Variants in SALL1 observed in about 807,000 individuals in gnomAD.
SALL1 encodes the protein sal-like protein 1.
Under a neutral mutation model 73.1 loss-of-function variants are expected in SALL1, and 10 were observed. The observed-to-expected ratio is 0.14, with a 90% CI of 0.08 to 0.23. The LOEUF (loss-of-function observed/expected upper bound fraction) is 0.23. SALL1 is among the 10% of genes least tolerant of loss of function. The probability of loss-of-function intolerance (pLI) is 1.00; values close to 1 mark genes in which losing one functional copy is unlikely to be tolerated. For synonymous variants in SALL1, 688 were observed against 689.8 expected, an observed-to-expected ratio of 1.00 and a Z score of 0.04; for missense variants, 1,520 against 1,697.3, an observed-to-expected ratio of 0.90 and a Z score of 1.84.
chr16:51,140,222 G>A lies in SALL1; in HGVS notation c.2000C>T (p.Ser667Phe). 1 of 1,614,174 alleles carries A rather than the reference G, an allele frequency of 6.2e-7. No homozygotes were observed. Among genetic ancestry groups the A allele is most frequent in the East Asian group, 2.2e-5 (1 of 44,872 alleles). Residue 667 changes from serine (S) to phenylalanine (F), a missense_variant, in exon 2 of 3, where the codon TCC (serine) becomes TTC (phenylalanine). Physicochemically the swap from Ser to Phe is radical, Grantham distance 155 (BLOSUM62 -2). This residue lies in a region of SALL1 where 276 missense variants were observed against 259.1 expected (regional missense o/e 1.07). Transcript: ENST00000251020. The surrounding 1 kb of genome is among the most constrained non-coding windows in gnomAD (Gnocchi z 5.7). ...TFTNPLLPLM[S>F]EQFKAKFPFG... ...AGGAAACTTGGCCTTGAACTGCTCGGACATGAGCGGCAACAAAGGGTTGGT... is the reference window on the plus strand; with the variant it reads ...AGGAAACTTGGCCTTGAACTGCTCGAACATGAGCGGCAACAAAGGGTTGGT...
At chr16:51,137,604 AGAG>A (rs1474295440) in intron 2 of SALL1, 52 bp from the exon 3 acceptor site, 2 of 1,419,118 alleles carry the variant, frequency 1.4e-6, no homozygotes, top group Non-Finnish European at 9.9e-7. Flanking sequence ...GAGAAAAAAA[AGAG>A]GAGGGGGAGA....
chr16:51,142,946 T>A (rs763830782), intron 1 of SALL1, among the ~76,000 whole-genome samples: 36 of 152,336 alleles, frequency 2.4e-4, no homozygotes, highest in Non-Finnish European at 3.8e-4. Flanking sequence ...TATGCCACCA[T>A]GCTCCGAATG....
At chr16:51,145,565 T>C (rs907928481) in intron 1 of SALL1, among the ~76,000 whole-genome samples, 9 of 152,158 alleles carry the variant, frequency 5.9e-5, no homozygotes, top group Non-Finnish European at 1.3e-4. Flanking sequence ...CCACCAAATT[T>C]ATACTAAAAT....
chr16:51,137,580 GAC>G (rs757911271), intron 2 of SALL1, 28 bp from the exon 3 acceptor site: 5 of 1,554,522 alleles, frequency 3.2e-6, no homozygotes, highest in Non-Finnish European at 4.4e-6. Flanking sequence ...CAGGCAGAGA[GAC>G]AGAGAGAGAG....
chr16:51,139,948 A>C lies in SALL1; in HGVS notation c.2274T>G (p.Ala758=), dbSNP rs766729692. 3.7e-6 allele frequency: 6 copies of C among 1,614,248 alleles called. No homozygotes were observed. The highest frequency in any genetic ancestry group is 5.1e-6 in the Non-Finnish European group (6 of 1,180,044). Residue 758 remains alanine, a synonymous_variant, in exon 2 of 3, where the codon GCT becomes GCG. Transcript: ENST00000251020. ...NLKTHYSVHR[A]MPPLRVQHSC... ...AATGCTGGACTCTGAGCGGGGGCAT[A>C]GCACGATGGACACTGTAGTGGGTTT...
chr16:51,150,447 G>A, intron 1 of SALL1: 1 of 985,616 alleles, frequency 1.0e-6, no homozygotes, highest in African/African-American at 1.7e-5. Flanking sequence ...AATTTTGCGA[G>A]CCAGACCCCG....
At chr16:51,144,215 T>G (rs1329417783) in intron 1 of SALL1, among the ~76,000 whole-genome samples, 3 of 152,204 alleles carry the variant, frequency 2.0e-5, no homozygotes, top group Non-Finnish European at 4.4e-5. Flanking sequence ...TCCTAATATA[T>G]TCAACAGAAA....
At chr16:51,150,031 G>A (rs1962573927) in intron 1 of SALL1, among the ~76,000 whole-genome samples, 1 of 152,198 alleles carries the variant, frequency 6.6e-6, no homozygotes, top group Non-Finnish European at 1.5e-5. Flanking sequence ...CCCGAGTCCG[G>A]GCGCCGCTAC....
intron 1 of SALL1, among the ~76,000 whole-genome samples, chr16:51,143,731 C>T (rs1222691926): frequency 6.6e-6 from 1 of 152,116 alleles, no homozygotes; most frequent in Non-Finnish European, 1.5e-5. Context: ...ACTCTATTTG[C>T]CTTGAGTGAT....
rs1268215422 is a variant in SALL1, at chr16:51,137,568, G to A, written c.3535-16C>T. The A allele has an allele frequency of 6.3e-7, 1 of 1,596,152 alleles. No individual in the cohort carries two copies. The highest frequency in any genetic ancestry group is 8.6e-7 in the Non-Finnish European group (1 of 1,165,186). Reference sequence around the variant, plus strand: ...CCATGTGTACCTGAGATATGGGGAGGGCAGGCAGAGAGACAGAGAGAGAGA... The same window carrying A: ...CCATGTGTACCTGAGATATGGGGAGAGCAGGCAGAGAGACAGAGAGAGAGA... On this transcript the variant is annotated splice_polypyrimidine_tract_variant and intron_variant, in intron 2 of 2. Transcript: ENST00000251020.
In SALL1 at chr16:51,137,004, T is replaced by C. The variant is rs1227434851; in HGVS notation, c.*108A>G. The C allele has an allele frequency of 2.6e-5, 21 of 814,242 alleles. No homozygotes were observed. Among genetic ancestry groups the C allele is most frequent in the Admixed American group, 9.9e-5 (4 of 40,208 alleles). 50.4% of individuals were successfully genotyped at this position (814,242 alleles called of 1,614,324 possible). ...TTCATAATGTTGTAGTTCATAGATC[T>C]GGGGAACAGAAGGAAGGGGCGGGGC... is the stretch of plus-strand genomic sequence containing the variant. On this transcript the variant is annotated 3_prime_UTR_variant, in exon 3 of 3. Transcript: ENST00000251020.
At chr16:51,151,883 G>C (rs1225674558), upstream of SALL1, among the ~76,000 whole-genome samples, 6 of 151,482 alleles carry the variant, frequency 4.0e-5, no homozygotes, top group African/African-American at 7.3e-5. Flanking sequence ...TTCCCAACTC[G>C]GGGGCGAGGC....
At position 51,138,806 on chromosome 16, in the gene SALL1, C is replaced by T; in HGVS notation, c.3416G>A (p.Cys1139Tyr). The T allele has an allele frequency of 6.2e-7, 1 of 1,614,206 alleles. No homozygotes were observed. The highest frequency in any genetic ancestry group is 8.5e-7 in the Non-Finnish European group (1 of 1,180,044). ...RTPKQHYCNTCGKTFSSSSAL... is the reference protein window; with the variant it reads ...RTPKQHYCNTYGKTFSSSSAL... ...ACTCGATGAGGAGAAGGTTTTGCCA[C>T]ATGTGTTGCAGTAGTGCTGCTTGGG... The change falls in exon 2 of 3, where the codon TGT becomes TAT. Residue 1139 changes from cysteine to tyrosine, a missense_variant. Cys to Tyr is a radical substitution (Grantham distance 194). This residue lies in a region of SALL1 where 318 missense variants were observed against 357.1 expected (regional missense o/e 0.89). Coordinates refer to ENST00000251020, the MANE Select transcript of SALL1 (RefSeq NM_002968.3).
In SALL1 at chr16:51,142,002, C is replaced by T. The variant is rs529479120; in HGVS notation, c.220G>A (p.Val74Ile). 166 of 1,613,990 alleles carry T rather than the reference C, an allele frequency of 1.0e-4. 3 individuals are homozygous for T. In the South Asian group the frequency reaches 1.4e-3, roughly 14 times the overall value. Residue 74 changes from valine (V) to isoleucine (I), a missense_variant, in exon 2 of 3, where the codon GTA (valine) becomes ATA (isoleucine). Physicochemically the swap from Val to Ile is conservative, Grantham distance 29 (BLOSUM62 3). Coordinates refer to ENST00000251020, the MANE Select transcript of SALL1 (RefSeq NM_002968.3). ...GGTGGGGAGGCTGGATTTTCATTTA[C>T]GATTAAAACTAATTGATTTTTAGTA... is the stretch of plus-strand genomic sequence containing the variant. ...NCTKNQLVLI[V>I]NENPASPPET...
In SALL1 at chr16:51,137,320, T is replaced by C; in HGVS notation, c.3767A>G (p.Gln1256Arg). Residue 1256 changes from glutamine (Q) to arginine (R), a missense_variant, in exon 3 of 3, where the codon CAG becomes CGG. Around this residue, in one of 7 missense-constraint regions of SALL1, gnomAD observed 318 missense variants for 357.1 expected, o/e 0.89. Transcript: ENST00000251020. ...AGGAATTGGAGGGATGCCACCGTTCTGAATGACGGAGATCTCGTTGGCCTT... is the reference window on the plus strand; with the variant it reads ...AGGAATTGGAGGGATGCCACCGTTCCGAATGACGGAGATCTCGTTGGCCTT... The part of the protein sequence containing the change: ...AMKANEISVI[Q>R]NGGIPPIPGS... The C allele has an allele frequency of 6.2e-7, 1 of 1,614,112 alleles. No individual in the cohort carries two copies. Among genetic ancestry groups the C allele is most frequent in the African/African-American group, 1.3e-5 (1 of 75,020 alleles).
At chr16:51,151,347 C>T (rs1174942733), upstream of SALL1, 1 of 602,984 alleles carries the variant, frequency 1.7e-6, no homozygotes, top group African/African-American at 2.0e-5. Flanking sequence ...CCCCCGCCCG[C>T]CGGCCCGCCC....
chr16:51,147,242 A>G (rs1962531368), intron 1 of SALL1, among the ~76,000 whole-genome samples: 1 of 152,262 alleles, frequency 6.6e-6, no homozygotes, highest in South Asian at 2.1e-4. Context: ...TCACATATTC[A>G]CTTTCACACA....
chr16:51,137,579 A>T, intron 2 of SALL1, 27 bp from the exon 3 acceptor site: 2 of 1,558,684 alleles, frequency 1.3e-6, no homozygotes, highest in South Asian at 2.2e-5. Flanking sequence ...GCAGGCAGAG[A>T]GACAGAGAGA....
rs1432734795 is a variant in SALL1 at position 51,137,022 on chromosome 16, G to A, written c.*90C>T. The A allele has an allele frequency of 1.8e-6, 2 of 1,116,454 alleles. No individual in the cohort carries two copies. The highest frequency in any genetic ancestry group is 3.1e-5 in the African/African-American group (2 of 64,202). The allele number at this position is 1,116,454 out of a possible 1,614,324, so 69.2% of individuals were successfully genotyped here. A position where few individuals can be genotyped will look rare whatever the true frequency, so the allele number is the denominator to read the frequency against. On this transcript the variant is annotated 3_prime_UTR_variant, in exon 3 of 3. Transcript: ENST00000251020. ...ATAGATCTGGGGAACAGAAGGAAGG[G>A]GCGGGGCGGGGTGGGGGGCAAGGAG...
Sources: gnomAD v4.1 joint callset for allele counts (sites outside exome capture counted in the v4.1 genomes callset) on GRCh38, gnomAD v4.1.1 for gene constraint, gnomAD v4.1.1 regional missense constraint, Gnocchi (gnomAD v3.1) non-coding constraint, MANE v1.5 for transcripts, NCBI Gene and HGNC (gene_info 2026-07-23, HGNC 2026-07-21) for gene names.